CDH12: variants seen among roughly 807,000 people sequenced by gnomAD.
The protein encoded by CDH12 is cadherin-12.
CDH12 carries 41 observed loss-of-function variants against 74.1 expected under a neutral mutation model. That is an observed-to-expected ratio of 0.55 (90% CI 0.43 to 0.72). The LOEUF is 0.72. CDH12 is among the 30% of genes least tolerant of loss of function. CDH12 has a pLI of 0.00. For missense variants in CDH12, 945 were observed against 977.2 expected (o/e 0.97, Z 0.44); for synonymous variants, 399 against 355.0 (o/e 1.12, Z -1.39).
chr5:21,944,812 A>T (rs1181202648), intron 6 of CDH12, among the ~76,000 whole-genome samples: 2 of 151,996 alleles, frequency 1.3e-5, no homozygotes, highest in Admixed American at 1.3e-4. Context: ...TCAGTACCCT[A>T]CTTTTGCCAT....
chr5:22,364,761 G>A (rs1740960560), intron 3 of CDH12, among the ~76,000 whole-genome samples: 1 of 152,166 alleles, frequency 6.6e-6, no homozygotes, highest in Admixed American at 6.6e-5. Context: ...CTGTTTCTAT[G>A]TAAATAATTT....
At chr5:22,558,607 T>C (rs1166528143) in intron 1 of CDH12, among the ~76,000 whole-genome samples, 1 of 151,648 alleles carries the variant, frequency 6.6e-6, no homozygotes, top group Non-Finnish European at 1.5e-5. Flanking sequence ...TTGAAGAACA[T>C]TTGCCATATG....
intron 1 of CDH12, among the ~76,000 whole-genome samples, chr5:22,640,217 G>A (rs991811621): frequency 6.6e-6 from 1 of 152,022 alleles, no homozygotes; most frequent in Non-Finnish European, 1.5e-5. Flanking sequence ...ATTTTCTTTT[G>A]CTCACCTTCA....
chr5:22,472,744 C>A (rs1580685074), intron 2 of CDH12, among the ~76,000 whole-genome samples: 2 of 152,080 alleles, frequency 1.3e-5, no homozygotes, highest in African/African-American at 4.8e-5. Flanking sequence ...TTTTACCACA[C>A]CCAGAAACAT....
intron 8 of CDH12, among the ~76,000 whole-genome samples, chr5:21,832,858 ATATATCATAT>A (rs1749120096): frequency 1.3e-4 from 4 of 29,822 alleles, no homozygotes; most frequent in Non-Finnish European, 2.3e-4. Context: ...GATATATGAT[ATATATCATAT>A]GATATATGAT....
chr5:22,814,145 TGAA>T (rs1168783216), intron 1 of CDH12, among the ~76,000 whole-genome samples: 1 of 152,150 alleles, frequency 6.6e-6, no homozygotes, highest in African/African-American at 2.4e-5. Context: ...TATCTGGAAA[TGAA>T]GACATTTTCT....
At chr5:22,764,082 C>T (rs1398311907) in intron 1 of CDH12, among the ~76,000 whole-genome samples, 1 of 151,638 alleles carries the variant, frequency 6.6e-6, no homozygotes, top group African/African-American at 2.4e-5. Context: ...GTGCTTTTTA[C>T]ATTTGTTTTT....
chr5:22,850,393 C>T (rs952040712), intron 1 of CDH12, among the ~76,000 whole-genome samples: 1 of 151,974 alleles, frequency 6.6e-6, no homozygotes, highest in Admixed American at 6.6e-5. Context: ...TTAAATTGTT[C>T]AGTTATTCAG....
intron 2 of CDH12, among the ~76,000 whole-genome samples, chr5:22,458,006 G>A (rs1333525252): frequency 6.6e-6 from 1 of 152,012 alleles, no homozygotes; most frequent in Non-Finnish European, 1.5e-5. Context: ...GCCTCCCAAA[G>A]TGCTGGGATT....
At chr5:22,368,480 T>TC (rs1741131371) in intron 3 of CDH12, among the ~76,000 whole-genome samples, 1 of 150,882 alleles carries the variant, frequency 6.6e-6, no homozygotes, top group Non-Finnish European at 1.5e-5. Context: ...TTTTTTTTTT[T>TC]TTTTGCAGAG....
intron 3 of CDH12, among the ~76,000 whole-genome samples, chr5:22,346,392 A>C (rs965070412): frequency 6.6e-6 from 1 of 152,188 alleles, no homozygotes; most frequent in Non-Finnish European, 1.5e-5. Flanking sequence ...TCCCCAGATT[A>C]CTATCAATTC....
intron 1 of CDH12, among the ~76,000 whole-genome samples, chr5:22,585,390 A>T (rs1489260624): frequency 6.6e-6 from 1 of 152,004 alleles, no homozygotes; most frequent in African/African-American, 2.4e-5. Context: ...TTTTTTACCT[A>T]TACTGTTTGA....
chr5:22,463,772 T>A (rs1745614761), intron 2 of CDH12, among the ~76,000 whole-genome samples: 1 of 152,168 alleles, frequency 6.6e-6, no homozygotes. Flanking sequence ...CCCTTTATTG[T>A]TAAATGATTT....
intron 6 of CDH12, among the ~76,000 whole-genome samples, chr5:21,869,039 C>G (rs1751481005): frequency 6.6e-6 from 1 of 152,138 alleles, no homozygotes; most frequent in Non-Finnish European, 1.5e-5. Flanking sequence ...CACCATGACA[C>G]ATAACAGTGA....
intron 12 of CDH12, among the ~76,000 whole-genome samples, chr5:21,764,111 A>T (rs1744871612): frequency 6.6e-6 from 1 of 152,172 alleles, no homozygotes; most frequent in East Asian, 1.9e-4. Context: ...GCGGTGGCTC[A>T]TGCCTGTAAT....
chr5:22,720,412 G>A (rs1205741620), intron 1 of CDH12, among the ~76,000 whole-genome samples: 2 of 152,126 alleles, frequency 1.3e-5, no homozygotes, highest in African/African-American at 4.8e-5. Flanking sequence ...TGTGAGTCAA[G>A]TAAACTTCTT....
rs147612552 is a variant in CDH12, at chr5:22,236,082, C to T, written c.-332-23439G>A. 6.8e-3 allele frequency among the ~76,000 whole-genome samples: 1,038 copies of T among 151,986 alleles called. 12 individuals are homozygous for T. The highest frequency in any genetic ancestry group is 0.013 in the Admixed American group (204 of 15,274). On this transcript the variant is annotated intron_variant, in intron 3 of 14. Coordinates refer to ENST00000382254, the MANE Select transcript of CDH12 (RefSeq NM_004061.5). ...AGATTAAAAATGGCATACCTGTCTG[C>T]GGCACTTATTATGACTGGGGCTTGT...
chr5:22,621,169 C>G (rs752582717), intron 1 of CDH12, among the ~76,000 whole-genome samples: 1 of 152,174 alleles, frequency 6.6e-6, no homozygotes, highest in African/African-American at 2.4e-5. Context: ...ATAGCATCTA[C>G]CAATCTCTCC....
chr5:22,805,134 C>T (rs540230752), intron 1 of CDH12, among the ~76,000 whole-genome samples: 10 of 152,094 alleles, frequency 6.6e-5, no homozygotes, highest in African/African-American at 2.2e-4. Flanking sequence ...CAATTTTCAC[C>T]TCTAGAGAAT....
Sources: gnomAD v4.1 joint callset for allele counts (sites outside exome capture counted in the v4.1 genomes callset) on GRCh38, gnomAD v4.1.1 for gene constraint, MANE v1.5 for transcripts, NCBI Gene and HGNC (gene_info 2026-07-23, HGNC 2026-07-21) for gene names.